ZFY: variants seen among roughly 807,000 people sequenced by gnomAD.
ZFY encodes the protein zinc finger Y-chromosomal protein.
For missense variants in ZFY, 113 were observed against 170.9 expected (o/e 0.66, Z 1.89); for synonymous variants, 47 against 55.8 (o/e 0.84, Z 0.71).
chrY:2,938,975 TACA>T, intron 1 of ZFY, among the ~76,000 whole-genome samples: 1 of 10,614 alleles, frequency 9.4e-5, no homozygotes, highest in Admixed American at 1.2e-3. Flanking sequence ...TCAAAAAGCA[TACA>T]GTGCTTATAT....
intron 1 of ZFY, among the ~76,000 whole-genome samples, chrY:2,950,803 G>C: frequency 3.0e-5 from 1 of 33,613 alleles, no homozygotes; most frequent in Non-Finnish European, 7.4e-5. Context: ...TTTCATTCAA[G>C]ATTTTGAGTT....
At chrY:2,959,686 C>T in intron 2 of ZFY, among the ~76,000 whole-genome samples, 1 of 33,095 alleles carries the variant, frequency 3.0e-5, no homozygotes, top group Non-Finnish European at 7.4e-5. Flanking sequence ...TTAAAGACTT[C>T]CTGCAACATC....
intron 4 of ZFY, 37 bp from the exon 5 acceptor site, chrY:2,975,474 C>A: frequency 5.9e-5 from 23 of 393,121 alleles, no homozygotes; most frequent in Non-Finnish European, 6.4e-5. Context: ...AAAATGAACT[C>A]TCAAATAATT....
intron 2 of ZFY, among the ~76,000 whole-genome samples, chrY:2,957,813 T>C: frequency 2.9e-5 from 1 of 34,047 alleles, no homozygotes; most frequent in Admixed American, 2.6e-4. Context: ...ATGGTGCAGC[T>C]AGTTTCATAA....
intron 3 of ZFY, among the ~76,000 whole-genome samples, chrY:2,972,700 G>A: frequency 3.0e-5 from 1 of 33,510 alleles, no homozygotes. Flanking sequence ...TTGTTATACT[G>A]TTCTTTATTT....
At chrY:2,961,830 AAG>A (rs2051313256) in intron 3 of ZFY, among the ~76,000 whole-genome samples, 184 bp downstream of exon 3, 4 of 33,439 alleles carry the variant, frequency 1.2e-4, no homozygotes, top group Admixed American at 2.7e-4. Context: ...CATGGTGCAG[AAG>A]AGAGTTATTT....
chrY:2,967,731 A>G, intron 3 of ZFY, among the ~76,000 whole-genome samples: 1 of 30,313 alleles, frequency 3.3e-5, no homozygotes. Context: ...TGCTTGGCTA[A>G]TGTTTGTATT....
intron 3 of ZFY, among the ~76,000 whole-genome samples, chrY:2,973,354 C>G (rs368680806): frequency 6.0e-5 from 2 of 33,443 alleles, no homozygotes; most frequent in Non-Finnish European, 1.5e-4. Flanking sequence ...GGCCTTGGGT[C>G]AGTTTCTTTT....
intron 3 of ZFY, among the ~76,000 whole-genome samples, chrY:2,971,161 C>CT (rs2051347045): frequency 3.0e-5 from 1 of 33,805 alleles, no homozygotes; most frequent in Non-Finnish European, 7.3e-5. Context: ...TTCAAATCTG[C>CT]TTTTTTATAA....
intron 1 of ZFY, among the ~76,000 whole-genome samples, chrY:2,939,864 A>G: frequency 3.0e-5 from 1 of 33,279 alleles, no homozygotes; most frequent in Non-Finnish European, 7.4e-5. Context: ...AGCAGTGTAG[A>G]TATCTTTAAT....
intron 3 of ZFY, among the ~76,000 whole-genome samples, chrY:2,964,165 A>G (rs2051319211): frequency 3.0e-5 from 1 of 33,572 alleles, no homozygotes; most frequent in African/African-American, 1.2e-4. Context: ...AGTGTTTCAA[A>G]GGAGATAAGC....
At chrY:2,941,086 A>G (rs2051239963) in intron 1 of ZFY, among the ~76,000 whole-genome samples, 1 of 34,056 alleles carries the variant, frequency 2.9e-5, no homozygotes, top group Non-Finnish European at 7.3e-5. Flanking sequence ...TAAACTTTTC[A>G]TAAAATTACT....
At chrY:2,944,220 T>G (rs1603310828) in intron 1 of ZFY, among the ~76,000 whole-genome samples, 2 of 33,267 alleles carry the variant, frequency 6.0e-5, no homozygotes, top group East Asian at 1.5e-3. Flanking sequence ...TGAAGAGTGA[T>G]GTTAGATTTC....
In ZFY at chrY:2,935,755, G is replaced by C. The variant is rs2051212800; in HGVS notation, c.-43G>C. 2 of 34,550 alleles carry C rather than the reference G, an allele frequency of 5.8e-5. No homozygotes were observed. The highest frequency in any genetic ancestry group is 2.3e-4 in the African/African-American group (2 of 8,887). The allele number at this position is 34,550 out of a possible 400,897, so 8.6% of individuals were successfully genotyped here. On this transcript the variant is annotated 5_prime_UTR_variant, in exon 1 of 8. Coordinates refer to ENST00000155093, the MANE Select transcript of ZFY (RefSeq NM_003411.4). ...CACGGCACGGGGGCGAGAAGGCGAAGGCTGCAGGCGTGAGGTGAAGGCCGG... is the reference window on the plus strand; with the variant it reads ...CACGGCACGGGGGCGAGAAGGCGAACGCTGCAGGCGTGAGGTGAAGGCCGG...
chrY:2,957,463 C>T (rs2051296366), intron 2 of ZFY, among the ~76,000 whole-genome samples: 1 of 33,574 alleles, frequency 3.0e-5, no homozygotes, highest in Non-Finnish European at 7.4e-5. Context: ...TGTGCCCGGC[C>T]TGTTATTTTT....
intron 2 of ZFY, among the ~76,000 whole-genome samples, chrY:2,954,918 G>A (rs2051288829): frequency 9.5e-5 from 3 of 31,492 alleles, no homozygotes; most frequent in African/African-American, 2.5e-4. Flanking sequence ...TGCTTTGCAT[G>A]GTGGTTTCCT....
intron 2 of ZFY, among the ~76,000 whole-genome samples, chrY:2,957,260 C>G: frequency 3.2e-5 from 1 of 31,488 alleles, no homozygotes; most frequent in Non-Finnish European, 7.7e-5. Context: ...CCTCAACCTT[C>G]TGGGCTCAAG....
In ZFY at chrY:2,967,498, C is replaced by CA. The variant is rs1556374263; in HGVS notation, c.634+5864dup. On this transcript the variant is annotated intron_variant, in intron 3 of 7. Coordinates refer to ENST00000155093, the MANE Select transcript of ZFY (RefSeq NM_003411.4). The stretch of plus-strand genomic sequence containing the variant: ...TATTATGTGAATTTCCTCTCAGTGC[C>CA]AAAAAAAAAAAATTGGAATCTTTTA... Among the ~76,000 whole-genome samples the CA allele has an allele frequency of 3.7e-4, 8 of 21,695 alleles. No individual in the cohort carries two copies. In the South Asian group the frequency reaches 5.0e-3, roughly 14 times the overall value. 58.2% of individuals were successfully genotyped at this position (21,695 alleles called of 37,273 possible).
chrY:2,940,188 A>T, intron 1 of ZFY, among the ~76,000 whole-genome samples: 1 of 33,393 alleles, frequency 3.0e-5, no homozygotes, highest in African/African-American at 1.2e-4. Context: ...ACATGTTTCC[A>T]CCATTGCTTT....
Sources: gnomAD v4.1 joint callset for allele counts (sites outside exome capture counted in the v4.1 genomes callset) on GRCh38, gnomAD v4.1.1 for gene constraint, MANE v1.5 for transcripts, NCBI Gene and HGNC (gene_info 2026-07-23, HGNC 2026-07-21) for gene names.